DIP2C: variants seen among roughly 807,000 people sequenced by gnomAD.
DIP2C encodes DIP2 acetate--CoA ligase C (putative).
DIP2C carries 33 observed loss-of-function variants against 192.4 expected under a neutral mutation model. That is an observed-to-expected ratio of 0.17 (90% CI 0.13 to 0.23). The LOEUF is 0.23. Among genes scored for constraint, DIP2C ranks in the 10% least tolerant of loss-of-function variants. DIP2C has a pLI of 1.00. For synonymous variants in DIP2C, 979 were observed against 864.1 expected, an observed-to-expected ratio of 1.13 and a Z score of -2.33; for missense variants, 1,537 against 2,110.1, an observed-to-expected ratio of 0.73 and a Z score of 5.32.
chr10:282,762 C>T (rs991074795), intron 35 of DIP2C, among the ~76,000 whole-genome samples: 9 of 152,272 alleles, frequency 5.9e-5, no homozygotes, highest in Admixed American at 3.3e-4. Context: ...CCAGGCCCTA[C>T]TCTCTGATGA....
At chr10:672,693 G>A (rs1322436068) in intron 1 of DIP2C, among the ~76,000 whole-genome samples, 1 of 152,202 alleles carries the variant, frequency 6.6e-6, no homozygotes, top group Non-Finnish European at 1.5e-5. Flanking sequence ...TTTTCCTGTA[G>A]AAATGCCACA....
chr10:344,078 C>T (rs773640194), intron 28 of DIP2C, among the ~76,000 whole-genome samples: 11 of 152,134 alleles, frequency 7.2e-5, no homozygotes, highest in East Asian at 1.9e-4. Flanking sequence ...CTACGTCAGA[C>T]GCTGAGACTA....
chr10:560,045 C>G (rs1367615477), intron 1 of DIP2C, among the ~76,000 whole-genome samples: 2 of 151,910 alleles, frequency 1.3e-5, no homozygotes, highest in African/African-American at 2.4e-5. Flanking sequence ...TCACCTCTCC[C>G]TCCTGCCCTG....
chr10:329,138 A>G (rs1384706315), intron 30 of DIP2C, among the ~76,000 whole-genome samples: 1 of 152,214 alleles, frequency 6.6e-6, no homozygotes, highest in Non-Finnish European at 1.5e-5. Context: ...ACACTTCAGA[A>G]CACTGAATCC....
rs569104540 is a variant in DIP2C at position 555,624 on chromosome 10, G to T, written c.86-69094C>A. Among the ~76,000 whole-genome samples, 277 of 152,294 alleles carry T rather than the reference G, an allele frequency of 1.8e-3. 2 individuals are homozygous for T. The highest frequency in any genetic ancestry group is 3.1e-3 in the Non-Finnish European group (214 of 68,020). Reference sequence around the variant, plus strand: ...ATCCTGTTGAGCCGTGTCTCTCAGGGTATCTGGGGACCAGCCACGTGAGGG... The same window carrying T: ...ATCCTGTTGAGCCGTGTCTCTCAGGTTATCTGGGGACCAGCCACGTGAGGG... On this transcript the variant is annotated intron_variant, in intron 1 of 36. Transcript: ENST00000280886.
intron 17 of DIP2C, among the ~76,000 whole-genome samples, chr10:380,708 TTAA>T (rs1962292036): frequency 6.6e-6 from 1 of 152,206 alleles, no homozygotes; most frequent in Non-Finnish European, 1.5e-5. Context: ...GTGACGACCT[TTAA>T]GAAGGCATTC....
intron 4 of DIP2C, among the ~76,000 whole-genome samples, chr10:423,842 C>G (rs993570380): frequency 1.3e-5 from 2 of 152,314 alleles, no homozygotes; most frequent in East Asian, 3.9e-4. Context: ...CGTTTTCCTC[C>G]GGGGCACACG....
chr10:422,764 T>A, intron 5 of DIP2C, 60 bp downstream of exon 5: 1 of 1,546,464 alleles, frequency 6.5e-7, no homozygotes. Flanking sequence ...AAACAGAGAA[T>A]GTGCACACAC....
chr10:536,025 A>G (rs549363534), intron 1 of DIP2C, among the ~76,000 whole-genome samples: 1 of 152,296 alleles, frequency 6.6e-6, no homozygotes, highest in Non-Finnish European at 1.5e-5. Context: ...CTGGGTTTCC[A>G]TAACAAATGT....
At chr10:409,459 G>C (rs1965037336) in intron 8 of DIP2C, among the ~76,000 whole-genome samples, 1 of 152,186 alleles carries the variant, frequency 6.6e-6, no homozygotes, top group Admixed American at 6.5e-5. Context: ...CTGGAGTCAA[G>C]AGGAGTAAAA....
At chr10:552,865 C>T (rs1056073928) in intron 1 of DIP2C, among the ~76,000 whole-genome samples, 1 of 152,216 alleles carries the variant, frequency 6.6e-6, no homozygotes, top group African/African-American at 2.4e-5. Flanking sequence ...AAGTGACGAA[C>T]ACCCCATGTC....
intron 31 of DIP2C, among the ~76,000 whole-genome samples, chr10:310,963 C>A (rs1363721511): frequency 6.6e-6 from 1 of 151,900 alleles, no homozygotes. Context: ...TAAAATTCTT[C>A]AGGAGAGAAT....
intron 32 of DIP2C, among the ~76,000 whole-genome samples, chr10:293,713 T>C (rs1310147818): frequency 6.6e-6 from 1 of 152,170 alleles, no homozygotes; most frequent in Non-Finnish European, 1.5e-5. Context: ...CATAAGAGCA[T>C]TAAAATCACA....
At chr10:650,018 T>C (rs758277769) in intron 1 of DIP2C, 98 of 663,480 alleles carry the variant, frequency 1.5e-4, no homozygotes, top group Non-Finnish European at 2.4e-4. Context: ...AATTCCTTAT[T>C]AGGAAGGCAA....
chr10:496,613 A>G (rs116674732), intron 1 of DIP2C, among the ~76,000 whole-genome samples: 3,348 of 149,776 alleles, frequency 0.022, 116 homozygotes, highest in African/African-American at 0.078. Flanking sequence ...ATTACTCGCA[A>G]TACCCCAAAC....
intron 1 of DIP2C, among the ~76,000 whole-genome samples, chr10:542,302 C>T (rs915046373): frequency 1.3e-5 from 2 of 152,184 alleles, no homozygotes; most frequent in African/African-American, 4.8e-5. Flanking sequence ...GGTGCAGTGC[C>T]CAGAACGTCA....
intron 3 of DIP2C, among the ~76,000 whole-genome samples, chr10:465,665 A>T (rs1392601333): frequency 1.3e-5 from 2 of 152,044 alleles, no homozygotes; most frequent in Non-Finnish European, 2.9e-5. Flanking sequence ...AAATCTCCTT[A>T]AGCTGATAAG....
intron 3 of DIP2C, among the ~76,000 whole-genome samples, chr10:448,458 C>CTGCT (rs1968513872): frequency 6.8e-6 from 1 of 146,810 alleles, no homozygotes; most frequent in Non-Finnish European, 1.5e-5. Flanking sequence ...GCAGCAGGAC[C>CTGCT]CACTCATCCC....
chr10:447,678 T>C (rs12761114), intron 3 of DIP2C, among the ~76,000 whole-genome samples: 52 of 76,466 alleles, frequency 6.8e-4, no homozygotes, highest in South Asian at 1.3e-3. Context: ...CCCATTGATA[T>C]TCAGGATCAC....
Sources: gnomAD v4.1 joint callset for allele counts (sites outside exome capture counted in the v4.1 genomes callset) on GRCh38, gnomAD v4.1.1 for gene constraint, MANE v1.5 for transcripts, NCBI Gene and HGNC (gene_info 2026-07-23, HGNC 2026-07-21) for gene names.